KCNIP4: variants seen among roughly 807,000 people sequenced by gnomAD.
The protein encoded by KCNIP4 is potassium voltage-gated channel interacting protein 4, also known as Kv channel-interacting protein 4.
KCNIP4 carries 12 observed loss-of-function variants against 34.0 expected under a neutral mutation model. That is an observed-to-expected ratio of 0.35 (90% CI 0.23 to 0.57). The LOEUF (loss-of-function observed/expected upper bound fraction) is 0.57, where lower values mean the gene tolerates loss of function less well. Ranked by LOEUF, KCNIP4 falls within the 20% of genes least tolerant of loss-of-function variation. The pLI is 0.83. For synonymous variants in KCNIP4, 124 were observed against 102.2 expected, an observed-to-expected ratio of 1.21 and a Z score of -1.29; for missense variants, 238 against 311.7, an observed-to-expected ratio of 0.76 and a Z score of 1.78.
chr4:21,447,708 G>A (rs1245769621), intron 1 of KCNIP4, among the ~76,000 whole-genome samples: 1 of 152,088 alleles, frequency 6.6e-6, no homozygotes, highest in Non-Finnish European at 1.5e-5. Context: ...AAATTTACAT[G>A]AATATGATCT....
At chr4:21,636,633 G>A (rs931572824) in intron 1 of KCNIP4, among the ~76,000 whole-genome samples, 6 of 152,138 alleles carry the variant, frequency 3.9e-5, no homozygotes, top group African/African-American at 9.7e-5. Flanking sequence ...AATTCCCTGT[G>A]TAGAGGTAGA....
At chr4:20,949,998 T>C (rs899995351) in intron 1 of KCNIP4, among the ~76,000 whole-genome samples, 9 of 149,764 alleles carry the variant, frequency 6.0e-5, no homozygotes, top group Admixed American at 4.7e-4. Flanking sequence ...CCCTAAAACT[T>C]AAAGTATAAT....
intron 1 of KCNIP4, among the ~76,000 whole-genome samples, chr4:21,854,510 T>A (rs1724627324): frequency 6.6e-6 from 1 of 152,152 alleles, no homozygotes; most frequent in Non-Finnish European, 1.5e-5. Flanking sequence ...CCCCAATTGC[T>A]TAAATTCCCC....
rs1483721419 is a variant in KCNIP4, at chr4:21,648,930, G to A, written c.61+299641C>T. 2.6e-5 allele frequency among the ~76,000 whole-genome samples: 4 copies of A among 152,058 alleles called. No homozygotes were observed. In the East Asian group the frequency reaches 7.7e-4, roughly 29 times the overall value. ...ATATATACTCCTGTCCCTCCTGTTTGAACATTTTATGGAATGTCAGTTTGG... is the reference window on the plus strand; with the variant it reads ...ATATATACTCCTGTCCCTCCTGTTTAAACATTTTATGGAATGTCAGTTTGG... On this transcript the variant is annotated intron_variant, in intron 1 of 8. Transcript: ENST00000382152.
chr4:21,797,764 T>C (rs1315021007), intron 1 of KCNIP4, among the ~76,000 whole-genome samples: 1 of 152,192 alleles, frequency 6.6e-6, no homozygotes, highest in Non-Finnish European at 1.5e-5. Flanking sequence ...AAGTTATGTA[T>C]TGATATCTGA....
At chr4:21,012,874 G>A (rs551456480) in intron 1 of KCNIP4, among the ~76,000 whole-genome samples, 38 of 152,278 alleles carry the variant, frequency 2.5e-4, no homozygotes, top group African/African-American at 8.7e-4. Context: ...AACAGGAAAC[G>A]ACAATGTAAT....
At chr4:20,988,370 A>C (rs1736782504) in intron 1 of KCNIP4, among the ~76,000 whole-genome samples, 1 of 152,236 alleles carries the variant, frequency 6.6e-6, no homozygotes, top group Admixed American at 6.5e-5. Context: ...TGAAAGAGAG[A>C]GGGTCAGTAG....
At chr4:21,109,320 C>T (rs1304496023) in intron 1 of KCNIP4, among the ~76,000 whole-genome samples, 2 of 152,242 alleles carry the variant, frequency 1.3e-5, no homozygotes, top group South Asian at 2.1e-4. Flanking sequence ...CGCCCCTCCC[C>T]CAGCCTCGCT....
At chr4:21,917,464 T>A (rs1475924711) in intron 1 of KCNIP4, among the ~76,000 whole-genome samples, 1 of 152,104 alleles carries the variant, frequency 6.6e-6, no homozygotes, top group African/African-American at 2.4e-5. Flanking sequence ...CATTACTAAT[T>A]AAATTCAAAG....
At chr4:21,581,791 G>A (rs73252265) in intron 1 of KCNIP4, among the ~76,000 whole-genome samples, 9,884 of 151,708 alleles carry the variant, frequency 0.065, 476 homozygotes, top group African/African-American at 0.13. Flanking sequence ...TAAACATTTG[G>A]TCAAACTCAT....
At chr4:21,422,853 G>A (rs1725599849) in intron 1 of KCNIP4, among the ~76,000 whole-genome samples, 1 of 152,164 alleles carries the variant, frequency 6.6e-6, no homozygotes, top group African/African-American at 2.4e-5. Flanking sequence ...GAGAAAGCAG[G>A]TAAGGGCTCC....
At chr4:21,643,877 TA>T (rs1746810934) in intron 1 of KCNIP4, among the ~76,000 whole-genome samples, 1 of 129,510 alleles carries the variant, frequency 7.7e-6, no homozygotes, top group Admixed American at 8.6e-5. Context: ...TGATGATAGA[TA>T]GATAGATAGA....
chr4:21,327,646 C>G (rs1715219210), intron 1 of KCNIP4, among the ~76,000 whole-genome samples: 1 of 152,092 alleles, frequency 6.6e-6, no homozygotes, highest in Non-Finnish European at 1.5e-5. Flanking sequence ...CCGTAGCTCT[C>G]TCTCTATATC....
chr4:20,856,396 TC>T (rs1721572016), intron 2 of KCNIP4, among the ~76,000 whole-genome samples: 1 of 152,208 alleles, frequency 6.6e-6, no homozygotes, highest in Non-Finnish European at 1.5e-5. Flanking sequence ...TTCTGAAGCC[TC>T]TCTGGATTCC....
At chr4:21,357,821 AT>A (rs1371091180) in intron 1 of KCNIP4, among the ~76,000 whole-genome samples, 4 of 152,208 alleles carry the variant, frequency 2.6e-5, no homozygotes, top group African/African-American at 9.7e-5. Flanking sequence ...ATTACTGGGT[AT>A]ATACCCAAAG....
intron 3 of KCNIP4, among the ~76,000 whole-genome samples, chr4:20,833,914 T>C (rs1718731847): frequency 6.6e-6 from 1 of 152,156 alleles, no homozygotes; most frequent in Non-Finnish European, 1.5e-5. Flanking sequence ...TATATTTTTG[T>C]TCCAAAGTAT....
intron 5 of KCNIP4, among the ~76,000 whole-genome samples, chr4:20,739,964 C>G (rs908839688): frequency 1.3e-5 from 2 of 152,014 alleles, no homozygotes; most frequent in Non-Finnish European, 2.9e-5. Flanking sequence ...CTTCAGTAGC[C>G]ATTTTGATCA....
intron 1 of KCNIP4, among the ~76,000 whole-genome samples, chr4:21,806,184 G>T (rs1721281655): frequency 6.6e-6 from 1 of 152,160 alleles, no homozygotes; most frequent in African/African-American, 2.4e-5. Context: ...TCAGGTCAAT[G>T]TTTTTTAAGG....
At chr4:21,137,228 A>G (rs935240354) in intron 1 of KCNIP4, among the ~76,000 whole-genome samples, 7 of 152,210 alleles carry the variant, frequency 4.6e-5, no homozygotes, top group Non-Finnish European at 8.8e-5. Context: ...GTGCACTGGA[A>G]GAGCTCCCTC....
Sources: allele counts gnomAD v4.1 joint callset (sites outside exome capture counted in the v4.1 genomes callset), GRCh38; gene constraint gnomAD v4.1.1; transcripts MANE v1.5; gene names NCBI Gene and HGNC (gene_info 2026-07-23, HGNC 2026-07-21).